The following FARP1 variants were observed in gnomAD, a reference collection of about 807,000 sequenced individuals.
FARP1 encodes FERM, ARH/RhoGEF and pleckstrin domain protein 1.
A neutral mutation model predicts 128.8 loss-of-function variants in FARP1; 52 were observed. The ratio of observed to expected loss-of-function variants is 0.40; its 90% CI spans 0.32 to 0.51. The LOEUF (loss-of-function observed/expected upper bound fraction) is 0.51, where lower values mean the gene tolerates loss of function less well. FARP1 is among the 20% of genes least tolerant of loss of function. The pLI is 0.45. For missense variants in FARP1, 1,333 were observed against 1,367.9 expected (o/e 0.97, Z 0.40); for synonymous variants, 580 against 551.8 (o/e 1.05, Z -0.72).
At chr13:98,427,650 T>C (rs911770655) in intron 17 of FARP1, among the ~76,000 whole-genome samples, 1 of 152,164 alleles carries the variant, frequency 6.6e-6, no homozygotes, top group Non-Finnish European at 1.5e-5. Flanking sequence ...GAGGCTGACA[T>C]CCCACCCTCC....
intron 2 of FARP1, chr13:98,245,338 C>T (rs1211720878): frequency 1.0e-6 from 1 of 985,302 alleles, no homozygotes; most frequent in Non-Finnish European, 1.2e-6. Flanking sequence ...TTGATAAGCA[C>T]TTTGTGGGAT....
intron 6 of FARP1, among the ~76,000 whole-genome samples, chr13:98,378,682 T>C (rs1889696024): frequency 6.6e-6 from 1 of 151,752 alleles, no homozygotes; most frequent in South Asian, 2.1e-4. Flanking sequence ...TTCACTAGAT[T>C]TACAAAGGTT....
intron 1 of FARP1, among the ~76,000 whole-genome samples, chr13:98,200,989 A>G (rs1879905773): frequency 6.6e-6 from 1 of 152,240 alleles, no homozygotes; most frequent in Non-Finnish European, 1.5e-5. Flanking sequence ...GTAATGATCA[A>G]GTCAGGGTAA....
chr13:98,396,462 TG>T lies in FARP1; in HGVS notation c.1414+987del, dbSNP rs1890553477. The T allele has an allele frequency of 1.8e-4, 43 of 235,018 alleles. No individual in the cohort carries two copies. In the South Asian group the frequency reaches 0.013, roughly 72 times the overall value. 14.6% of individuals were successfully genotyped at this position (235,018 alleles called of 1,614,324 possible). On this transcript the variant is annotated intron_variant, in intron 13 of 26. Transcript: ENST00000319562. ...GTTTGAGTGAGGAACAGGAGGAGGA[TG>T]AGTGAGGAACAGGAGGAGGATGAGT...
At chr13:98,400,095 T>C (rs1433026079) in intron 13 of FARP1, 1 of 152,228 alleles carries the variant, frequency 6.6e-6, no homozygotes, top group Non-Finnish European at 1.5e-5. Context: ...AATTGTGCCA[T>C]GTGGCCTGCA....
intron 6 of FARP1, among the ~76,000 whole-genome samples, chr13:98,380,436 AAAGAAG>A (rs1289726295): frequency 1.2e-3 from 183 of 152,150 alleles, no homozygotes; most frequent in African/African-American, 4.1e-3. Flanking sequence ...AAAAAAAAAA[AAAGAAG>A]AAGAGTGGAT....
At chr13:98,186,430 C>A (rs1378071783) in intron 1 of FARP1, among the ~76,000 whole-genome samples, 4 of 152,060 alleles carry the variant, frequency 2.6e-5, no homozygotes, top group Non-Finnish European at 5.9e-5. Flanking sequence ...TTCCATCTTT[C>A]TTCTCTCTCT....
At chr13:98,364,276 A>G (rs758268910) in intron 3 of FARP1, among the ~76,000 whole-genome samples, 4 of 152,198 alleles carry the variant, frequency 2.6e-5, no homozygotes, top group African/African-American at 4.8e-5. Context: ...TGTATCTATC[A>G]GTAGAGTAAG....
At chr13:98,166,604 G>C (rs1877278567) in intron 1 of FARP1, among the ~76,000 whole-genome samples, 1 of 152,164 alleles carries the variant, frequency 6.6e-6, no homozygotes, top group African/African-American at 2.4e-5. Flanking sequence ...CACACAATCT[G>C]GATCTGCTGT....
chr13:98,215,997 A>G (rs186538855), intron 2 of FARP1, among the ~76,000 whole-genome samples: 8 of 152,014 alleles, frequency 5.3e-5, no homozygotes, highest in Admixed American at 2.0e-4. Context: ...TACCATGTTG[A>G]CCAGGATGGT....
At chr13:98,379,436 T>A (rs1889803567) in intron 6 of FARP1, among the ~76,000 whole-genome samples, 1 of 151,504 alleles carries the variant, frequency 6.6e-6, no homozygotes, top group South Asian at 2.1e-4. Flanking sequence ...GCTTTGAGTC[T>A]GGCAGACCTG....
intron 9 of FARP1, 62 bp from the exon 10 acceptor site, chr13:98,389,895 C>G: frequency 6.6e-7 from 1 of 1,512,686 alleles, no homozygotes; most frequent in Non-Finnish European, 9.1e-7. Context: ...CCCCTTTTCT[C>G]CTATTTCAGT....
In FARP1 at chr13:98,178,381, C is replaced by T. The variant is rs145228466; in HGVS notation, c.-23-34839C>T. ...CAGCTAACTTCTGTGTTTTTAGTAGCGACAGGGTTTCACCATGTTGGCCAG... is the reference window on the plus strand; with the variant it reads ...CAGCTAACTTCTGTGTTTTTAGTAGTGACAGGGTTTCACCATGTTGGCCAG... On this transcript the variant is annotated intron_variant, in intron 1 of 26. Transcript: ENST00000319562. Among the ~76,000 whole-genome samples the T allele has an allele frequency of 8.6e-5, 13 of 151,868 alleles. No homozygotes were observed. The East Asian group carries it at 1.9e-3, about 23-fold the overall frequency.
intron 1 of FARP1, among the ~76,000 whole-genome samples, chr13:98,207,642 C>T: frequency 6.6e-6 from 1 of 151,452 alleles, no homozygotes; most frequent in Non-Finnish European, 1.5e-5. Context: ...GTGCACAGGG[C>T]CTGTCCCTGC....
chr13:98,309,575 C>G (rs1346021919), intron 2 of FARP1, among the ~76,000 whole-genome samples: 2 of 152,038 alleles, frequency 1.3e-5, no homozygotes, highest in Non-Finnish European at 2.9e-5. Context: ...TAGAGAGAAG[C>G]TGTAGGAAGC....
chr13:98,351,749 C>T (rs980684705), intron 3 of FARP1, among the ~76,000 whole-genome samples: 1 of 151,864 alleles, frequency 6.6e-6, no homozygotes, highest in African/African-American at 2.4e-5. Flanking sequence ...TGTCATGCTG[C>T]AAGAGAGAGA....
chr13:98,424,674 G>C (rs1891712972), intron 17 of FARP1, 24 bp downstream of exon 17: 1 of 1,543,780 alleles, frequency 6.5e-7, no homozygotes, highest in Admixed American at 1.7e-5. Context: ...GATTTGGGTG[G>C]AGCAAGGTTC....
At chr13:98,235,734 C>T (rs187952396) in intron 2 of FARP1, among the ~76,000 whole-genome samples, 2 of 152,218 alleles carry the variant, frequency 1.3e-5, no homozygotes, top group African/African-American at 2.4e-5. Context: ...CCCATTTCCC[C>T]GTCCCCCAGC....
rs1004334526 is a variant in FARP1 at position 98,254,808 on chromosome 13, C to G, written c.171+41395C>G. ...TAAATGAAAACATATGTTAGTATAA[C>G]CAATGGCAGTGGGGGAATGGGAAAG... On this transcript the variant is annotated intron_variant, in intron 2 of 26. Coordinates refer to ENST00000319562, the MANE Select transcript of FARP1 (RefSeq NM_005766.4). 3.9e-5 allele frequency among the ~76,000 whole-genome samples: 6 copies of G among 152,200 alleles called. 1 individual carries two copies. Among genetic ancestry groups the G allele is most frequent in the East Asian group, 1.9e-4 (1 of 5,182 alleles).
Sources: gnomAD v4.1 joint callset for allele counts (sites outside exome capture counted in the v4.1 genomes callset) on GRCh38, gnomAD v4.1.1 for gene constraint, MANE v1.5 for transcripts, NCBI Gene and HGNC (gene_info 2026-07-23, HGNC 2026-07-21) for gene names.